The following ATP1A2 variants were observed in gnomAD, a reference collection of about 807,000 sequenced individuals.
ATP1A2 encodes ATPase Na+/K+ transporting subunit alpha 2, also known as sodium/potassium-transporting ATPase subunit alpha-2.
A neutral mutation model predicts 113.1 loss-of-function variants in ATP1A2; 56 were observed. The ratio of observed to expected loss-of-function variants is 0.49; its 90% CI spans 0.40 to 0.62. The LOEUF (loss-of-function observed/expected upper bound fraction) is 0.62, where lower values mean the gene tolerates loss of function less well. Ranked by LOEUF, ATP1A2 falls within the 20% of genes least tolerant of loss-of-function variation. The probability of loss-of-function intolerance (pLI) is 0.00; values close to 1 mark genes in which losing one functional copy is unlikely to be tolerated. For synonymous variants in ATP1A2, 490 were observed against 526.8 expected, an observed-to-expected ratio of 0.93 and a Z score of 0.96; for missense variants, 712 against 1,357.8, an observed-to-expected ratio of 0.52 and a Z score of 7.47.
intron 18 of ATP1A2, 47 bp from the exon 19 acceptor site, chr1:160,136,523 T>A: frequency 6.2e-7 from 1 of 1,614,070 alleles, no homozygotes; most frequent in Admixed American, 1.7e-5. Context: ...GTGCCCCTTC[T>A]GCTTCCTGCT....
chr1:160,130,680 G>A (rs1651744342), intron 13 of ATP1A2, 83 bp downstream of exon 13: 1 of 1,590,788 alleles, frequency 6.3e-7, no homozygotes, highest in Non-Finnish European at 8.6e-7. Context: ...GCCCTGGAAA[G>A]GCCCAGGCCA....
At chr1:160,122,075 T>C (rs1010754402) in intron 3 of ATP1A2, among the ~76,000 whole-genome samples, 10 of 152,004 alleles carry the variant, frequency 6.6e-5, no homozygotes, top group African/African-American at 2.4e-4. Context: ...GAGGTTTCAG[T>C]GAGCCGAGAT....
chr1:160,130,389 C>A (rs200793953), intron 12 of ATP1A2, 33 bp from the exon 13 acceptor site: 1 of 1,614,120 alleles, frequency 6.2e-7, no homozygotes, highest in Admixed American at 1.7e-5. Context: ...AGCCACTCTG[C>A]GGATCTCACT....
At position 160,124,313 on chromosome 1, in the gene ATP1A2, G is replaced by A. The variant is rs770882300; in HGVS notation, c.513G>A (p.Arg171=). 5 of 1,607,742 alleles carry A rather than the reference G, an allele frequency of 3.1e-6. No individual in the cohort carries two copies. Among genetic ancestry groups the A allele is most frequent in the Admixed American group, 1.7e-5 (1 of 59,162 alleles). Residue 171 remains arginine, a synonymous_variant, in exon 6 of 23, where the codon CGG becomes CGA. Transcript: ENST00000361216. ...CCCCACAGCAAGCCCTTGTGATCCGGGAGGGAGAGAAGATGCAGATCAACG... is the reference window on the plus strand; with the variant it reads ...CCCCACAGCAAGCCCTTGTGATCCGAGAGGGAGAGAAGATGCAGATCAACG... ...NMVPQQALVI[R]EGEKMQINAE...
chr1:160,140,121 G>A (rs994760101), intron 22 of ATP1A2, 137 bp downstream of exon 22: 1 of 882,886 alleles, frequency 1.1e-6, no homozygotes, highest in African/African-American at 1.6e-5. Context: ...GGGGTCCCAG[G>A]TCCCAGGAGC....
At chr1:160,116,089 C>T (rs909738295) in intron 1 of ATP1A2, among the ~76,000 whole-genome samples, 6 of 152,094 alleles carry the variant, frequency 3.9e-5, no homozygotes, top group Admixed American at 3.9e-4. Context: ...CGCCCCAGCC[C>T]CCTGCCCACA....
chr1:160,124,230 G>A (rs748160669), intron 5 of ATP1A2, 66 bp from the exon 6 acceptor site: 237 of 1,557,582 alleles, frequency 1.5e-4, no homozygotes, highest in South Asian at 6.4e-4. Context: ...CGGTGTGGGA[G>A]ACCAGCAGGA....
Position 160,135,123 on chromosome 1 carries a change from T to A in ATP1A2, c.1965-22T>A. The A allele has an allele frequency of 6.2e-7, 1 of 1,613,790 alleles. No homozygotes were observed. The highest frequency in any genetic ancestry group is 8.5e-7 in the Non-Finnish European group (1 of 1,179,956). On this transcript the variant is annotated intron_variant, in intron 14 of 22. Coordinates refer to ENST00000361216, the MANE Select transcript of ATP1A2 (RefSeq NM_000702.4). The surrounding 1 kb of genome is among the most constrained non-coding windows in gnomAD (Gnocchi z 6.3). ...GTACAGGTGCCAGGGGTCAGCTGTC[T>A]CTGTCCCCACCCACCCTCCAGAGAA... is the stretch of plus-strand genomic sequence containing the variant.
chr1:160,139,598 A>C, intron 20 of ATP1A2, 42 bp from the exon 21 acceptor site: 1 of 1,568,806 alleles, frequency 6.4e-7, no homozygotes, highest in Non-Finnish European at 8.8e-7. Flanking sequence ...CTCTGCCTCC[A>C]TGATCCCCCT....
rs1651723270 is a variant in ATP1A2 at position 160,130,130 on chromosome 1, C to G, written c.1490C>G (p.Pro497Arg). 6.2e-7 allele frequency: 1 copy of G among 1,614,210 alleles called. No individual in the cohort carries two copies. Among genetic ancestry groups the G allele is most frequent in the Admixed American group, 1.7e-5 (1 of 60,030 alleles). ...TCTATCCACGAGCGAGAAGACAGCC[C>G]CCAGAGCCACGTGCTGGTGATGAAG... ...QLSIHEREDS[P>R]QSHVLVMKGA... The change falls in exon 12 of 23, where the codon CCC becomes CGC. Residue 497 changes from proline to arginine, a missense_variant. Physicochemically the swap from Pro to Arg is moderately radical, Grantham distance 103. Transcript: ENST00000361216.
chr1:160,138,541 A>G (rs1334228273), intron 20 of ATP1A2, among the ~76,000 whole-genome samples: 1 of 152,254 alleles, frequency 6.6e-6, no homozygotes, highest in Non-Finnish European at 1.5e-5. Flanking sequence ...ACCTTGTGTA[A>G]GAATACAAAA....
chr1:160,128,649 C>T lies in ATP1A2; in HGVS notation c.1018-3C>T. Reference sequence around the variant, plus strand: ...CTTTTTTATTCTCCTCTTTCTCTACCAGGTGTGCCTGACCCTGACAGCCAA... The same window carrying T: ...CTTTTTTATTCTCCTCTTTCTCTACTAGGTGTGCCTGACCCTGACAGCCAA... On this transcript the variant is annotated splice_region_variant and splice_polypyrimidine_tract_variant and intron_variant, in intron 8 of 22. Coordinates refer to ENST00000361216, the MANE Select transcript of ATP1A2 (RefSeq NM_000702.4). The T allele has an allele frequency of 6.2e-7, 1 of 1,614,158 alleles. No individual in the cohort carries two copies. Among genetic ancestry groups the T allele is most frequent in the Non-Finnish European group, 8.5e-7 (1 of 1,180,038 alleles).
intron 20 of ATP1A2, among the ~76,000 whole-genome samples, chr1:160,138,044 T>C (rs911254613): frequency 6.6e-6 from 1 of 152,184 alleles, no homozygotes; most frequent in Admixed American, 6.5e-5. Context: ...TGCTATGCAC[T>C]GCAGGGATGA....
chr1:160,124,116 A>G, intron 5 of ATP1A2, 60 bp downstream of exon 5: 1 of 1,595,400 alleles, frequency 6.3e-7, no homozygotes, highest in Non-Finnish European at 8.6e-7. Context: ...AGTCCAGCTC[A>G]TCTTTTGTCA....
Position 160,130,215 on chromosome 1 carries a change from C to T in ATP1A2, c.1575C>T (p.Ile525=). 6.2e-7 allele frequency: 1 copy of T among 1,614,222 alleles called. No homozygotes were observed. The highest frequency in any genetic ancestry group is 8.5e-7 in the Non-Finnish European group (1 of 1,180,050). ...CCATCCTGGTGCAGGGCAAGGAGAT[C>T]CCGCTCGACAAGGAGATGCAAGATG... ...CSTILVQGKE[I]PLDKEMQDAF... The change falls in exon 12 of 23, where the codon ATC becomes ATT. Residue 525 remains isoleucine (I), a synonymous_variant. Transcript: ENST00000361216.
chr1:160,135,336 G>A lies in ATP1A2; in HGVS notation c.2115+41G>A, dbSNP rs1558008484. 1.9e-6 allele frequency: 3 copies of A among 1,614,200 alleles called. No homozygotes were observed. Among genetic ancestry groups the A allele is most frequent in the Non-Finnish European group, 2.5e-6 (3 of 1,180,032 alleles). On this transcript the variant is annotated intron_variant, in intron 15 of 22. Coordinates refer to ENST00000361216, the MANE Select transcript of ATP1A2 (RefSeq NM_000702.4). This position sits in a 1 kb window ranked among gnomAD's most constrained non-coding sequence, Gnocchi z 6.3. The stretch of plus-strand genomic sequence containing the variant: ...GGAGGCAGATGACAGGCAGGGACCG[G>A]GGAGGCAGGGACAGGGCCAAGACAA...
chr1:160,120,390 C>A (rs989756041), intron 1 of ATP1A2, among the ~76,000 whole-genome samples: 11 of 152,070 alleles, frequency 7.2e-5, no homozygotes, highest in Admixed American at 3.3e-4. Context: ...CTGCCTAATC[C>A]CCTGGCTCCC....
intron 13 of ATP1A2, among the ~76,000 whole-genome samples, chr1:160,134,171 A>G (rs1451495844): frequency 7.6e-6 from 1 of 131,972 alleles, no homozygotes; most frequent in Non-Finnish European, 1.6e-5. Context: ...CACATCCCAC[A>G]CACACACATT....
chr1:160,126,844 T>TAGTAATACATTCC (rs1651603495), intron 7 of ATP1A2, among the ~76,000 whole-genome samples: 1 of 152,206 alleles, frequency 6.6e-6, no homozygotes. Flanking sequence ...CAGAAATGCC[T>TAGTAATACATTCC]AGTAATACAT....
Sources: gnomAD v4.1 joint callset for allele counts (sites outside exome capture counted in the v4.1 genomes callset) on GRCh38, gnomAD v4.1.1 for gene constraint, Gnocchi (gnomAD v3.1) non-coding constraint, MANE v1.5 for transcripts, NCBI Gene and HGNC (gene_info 2026-07-23, HGNC 2026-07-21) for gene names.